The following ADCY6 variants were observed in gnomAD, a reference collection of about 807,000 sequenced individuals.
ADCY6 encodes adenylate cyclase type 6.
In ADCY6, 59 loss-of-function variants were observed where a neutral mutation model predicts 111.6. That is an observed-to-expected ratio of 0.53 (90% CI 0.43 to 0.66). The LOEUF (loss-of-function observed/expected upper bound fraction) is 0.66. ADCY6 is among the 30% of genes least tolerant of loss of function. ADCY6 has a pLI of 0.00. For missense variants in ADCY6, 1,242 were observed against 1,595.6 expected (o/e 0.78, Z 3.78); for synonymous variants, 576 against 642.9 (o/e 0.90, Z 1.57).
In ADCY6 at chr12:48,774,535, A is replaced by T. The variant is rs2137352573; in HGVS notation, c.2167-17T>A. The T allele has an allele frequency of 1.9e-6, 3 of 1,609,968 alleles. No homozygotes were observed. The highest frequency in any genetic ancestry group is 4.5e-5 in the East Asian group (2 of 44,824). ...AGGGAACAGCTAGAGGCATCAAGAG[A>T]CCAAGAGTTGAAGGTTGTATCAGCC... On this transcript the variant is annotated splice_polypyrimidine_tract_variant and intron_variant, in intron 13 of 21. Coordinates refer to ENST00000357869, the MANE Select transcript of ADCY6 (RefSeq NM_015270.5).
rs140193798 is a variant in ADCY6 at position 48,773,044 on chromosome 12, A to G, written c.2621+425T>C. Reference sequence around the variant, plus strand: ...GCAGAGACCAGAGGCTTTTTCTACTACAACAAGCTATGGCCACATATCAAA... The same window carrying G: ...GCAGAGACCAGAGGCTTTTTCTACTGCAACAAGCTATGGCCACATATCAAA... On this transcript the variant is annotated intron_variant, in intron 16 of 21. Transcript: ENST00000357869. Among the ~76,000 whole-genome samples the G allele has an allele frequency of 2.5e-3, 379 of 152,262 alleles. 2 individuals carry two copies. Among genetic ancestry groups the G allele is most frequent in the African/African-American group, 8.8e-3 (365 of 41,530 alleles).
Position 48,775,314 on chromosome 12 carries a change from G to A in ADCY6, c.1969C>T (p.Leu657Phe), listed in dbSNP as rs749718371. ...RFLLTFQRED[L>F]EKKYSRKVDP... ...TGTATCCCTCAAACCTTCTTCTCAA[G>A]ATCCTCTCTCTGGAAGGTGAGCAGA... The change falls in exon 11 of 22, where the codon CTT (leucine) becomes TTT (phenylalanine). Residue 657 changes from leucine to phenylalanine, a missense_variant. Physicochemically the swap from Leu to Phe is conservative, Grantham distance 22 (BLOSUM62 0). This residue lies in a region of ADCY6 where 375 missense variants were observed against 432.5 expected (regional missense o/e 0.87). Coordinates refer to ENST00000357869, the MANE Select transcript of ADCY6 (RefSeq NM_015270.5). The A allele has an allele frequency of 3.1e-6, 5 of 1,613,946 alleles. No individual in the cohort carries two copies. Among genetic ancestry groups the A allele is most frequent in the Non-Finnish European group, 2.5e-6 (3 of 1,179,990 alleles).
chr12:48,769,093 G>A, intron 20 of ADCY6, 32 bp from the exon 21 acceptor site: 1 of 1,588,710 alleles, frequency 6.3e-7, no homozygotes, highest in Non-Finnish European at 8.6e-7. Context: ...GAGACTAGTG[G>A]ATGCTCCAGG....
Position 48,773,601 on chromosome 12 carries a change from A to T in ADCY6, c.2489T>A (p.Phe830Tyr). Residue 830 changes from phenylalanine (F) to tyrosine (Y), a missense_variant, in exon 16 of 22, where the codon TTC becomes TAC. Physicochemically the swap from Phe to Tyr is conservative, Grantham distance 22. Coordinates refer to ENST00000357869, the MANE Select transcript of ADCY6 (RefSeq NM_015270.5). ...CTTCCCGATGCTGCTGATGTGCAGG[A>T]AGACAGAGCTGGCCAAGAGACTCAG... is the stretch of plus-strand genomic sequence containing the variant. Reference protein sequence around the residue: ...MLLSLLASSVFLHISSIGKLA... With the variant: ...MLLSLLASSVYLHISSIGKLA... 9 of 1,614,130 alleles carry T rather than the reference A, an allele frequency of 5.6e-6. No homozygotes were observed. The highest frequency in any genetic ancestry group is 6.8e-6 in the Non-Finnish European group (8 of 1,180,018).
At chr12:48,768,880 C>A in intron 21 of ADCY6, 57 bp downstream of exon 21, 1 of 1,568,568 alleles carries the variant, frequency 6.4e-7, no homozygotes, top group Non-Finnish European at 8.7e-7. Flanking sequence ...TGCAGAGACA[C>A]CTGTGGAAGC....
At position 48,783,304 on chromosome 12, in the gene ADCY6, A is replaced by G; in HGVS notation, c.131T>C (p.Met44Thr). 1.2e-6 allele frequency: 2 copies of G among 1,613,498 alleles called. No homozygotes were observed. The highest frequency in any genetic ancestry group is 1.7e-6 in the Non-Finnish European group (2 of 1,179,814). The part of the protein sequence containing the change: ...RAGGFCTPRY[M>T]SCLRDAEPPS... ...TGGCTCTGCATCCCGGAGGCAGCTC[A>G]TATAGCGGGGCGTGCAGAAGCCACC... The change falls in exon 2 of 22, where the codon ATG (methionine) becomes ACG (threonine). Residue 44 changes from methionine (M) to threonine (T), a missense_variant. Transcript: ENST00000357869.
chr12:48,780,640 T>C, intron 2 of ADCY6, among the ~76,000 whole-genome samples: 1 of 152,130 alleles, frequency 6.6e-6, no homozygotes, highest in Non-Finnish European at 1.5e-5. Flanking sequence ...TGGGCCTGGC[T>C]CTGGGCACCA....
At position 48,771,252 on chromosome 12, in the gene ADCY6, C is replaced by G; in HGVS notation, c.3052-282G>C. Reference sequence around the variant, plus strand: ...ATTAAGCAATTTCTCCAATCCTTACCTTTTGGGATACTGAGTCCCAGAGTG... The same window carrying G: ...ATTAAGCAATTTCTCCAATCCTTACGTTTTGGGATACTGAGTCCCAGAGTG... On this transcript the variant is annotated intron_variant, in intron 19 of 21. Transcript: ENST00000357869. This position sits in a 1 kb window ranked among gnomAD's most constrained non-coding sequence, Gnocchi z 4.3. 1.9e-6 allele frequency: 1 copy of G among 514,292 alleles called. No individual in the cohort carries two copies. Among genetic ancestry groups the G allele is most frequent in the Non-Finnish European group, 3.5e-6 (1 of 284,110 alleles). 31.9% of individuals were successfully genotyped at this position (514,292 alleles called of 1,614,324 possible).
At chr12:48,785,927 A>G (rs1260582254) in intron 1 of ADCY6, among the ~76,000 whole-genome samples, 1 of 152,202 alleles carries the variant, frequency 6.6e-6, no homozygotes, top group Non-Finnish European at 1.5e-5. Context: ...CCTGGAGGAA[A>G]TGTCATGAAC....
chr12:48,773,817 G>C (rs751223519), intron 15 of ADCY6, 123 bp downstream of exon 15: 2 of 1,454,604 alleles, frequency 1.4e-6, no homozygotes, highest in Admixed American at 4.0e-5. Flanking sequence ...GCCCCTGGTT[G>C]CTCCTAGTGT....
intron 16 of ADCY6, among the ~76,000 whole-genome samples, chr12:48,772,917 G>C (rs1053494125): frequency 1.3e-5 from 2 of 152,196 alleles, no homozygotes; most frequent in African/African-American, 4.8e-5. Flanking sequence ...TGATTTAGGT[G>C]ACATTGCCAT....
chr12:48,785,826 A>G (rs530899132), intron 1 of ADCY6, among the ~76,000 whole-genome samples: 63 of 152,324 alleles, frequency 4.1e-4, no homozygotes, highest in African/African-American at 1.5e-3. Context: ...AAAAATATAT[A>G]TAAACAAAAA....
Position 48,774,727 on chromosome 12 carries a change from G to C in ADCY6, c.2130C>G (p.Ile710Met). 6.2e-7 allele frequency: 1 copy of C among 1,614,140 alleles called. No individual in the cohort carries two copies. Among genetic ancestry groups the C allele is most frequent in the South Asian group, 1.1e-5 (1 of 91,078 alleles). ...IYASIFLLLL[I>M]TVLICAVYSC... is the part of the protein sequence containing the mutation. ...AGTACACAGCACAGATCAGCACGGT[G>C]ATTAGCAGCAGCAGGAAGATGCTGG... is the stretch of plus-strand genomic sequence containing the variant. Residue 710 changes from isoleucine to methionine, a missense_variant, in exon 13 of 22, where the codon ATC (isoleucine) becomes ATG (methionine). Ile to Met is a conservative substitution (Grantham distance 10, BLOSUM62 1). Coordinates refer to ENST00000357869, the MANE Select transcript of ADCY6 (RefSeq NM_015270.5).
At position 48,774,059 on chromosome 12, in the gene ADCY6, G is replaced by T. The variant is rs748915043; in HGVS notation, c.2323C>A (p.Arg775=). Residue 775 remains arginine (R), a synonymous_variant, in exon 15 of 22, where the codon CGG becomes AGG. Transcript: ENST00000357869. ...NHTPIRSCAA[R]MLNLTPADIT... ...TCAGCAGGTGTTAAATTCAGCATCCGGGCTGCACAGCTCCGTATGGGGGTG... is the reference window on the plus strand; with the variant it reads ...TCAGCAGGTGTTAAATTCAGCATCCTGGCTGCACAGCTCCGTATGGGGGTG... 1.9e-6 allele frequency: 3 copies of T among 1,611,844 alleles called. No homozygotes were observed. The highest frequency in any genetic ancestry group is 2.2e-5 in the East Asian group (1 of 44,840).
Position 48,768,467 on chromosome 12 carries a change from G to T in ADCY6, c.*124C>A. 1 of 1,396,786 alleles carries T rather than the reference G, an allele frequency of 7.2e-7. No individual in the cohort carries two copies. The highest frequency in any genetic ancestry group is 1.0e-6 in the Non-Finnish European group (1 of 996,224). The allele number at this position is 1,396,786 out of a possible 1,614,324, so 86.5% of individuals were successfully genotyped here. A position where few individuals can be genotyped will look rare whatever the true frequency, so the allele number is the denominator to read the frequency against. On this transcript the variant is annotated 3_prime_UTR_variant, in exon 22 of 22. Coordinates refer to ENST00000357869, the MANE Select transcript of ADCY6 (RefSeq NM_015270.5). ...TGATCCAAGCACAGCCTGCTGGGAT[G>T]TTCCCTTTTGTGGTTAGCAGGGTCT...
rs1384408836 is a variant in ADCY6, at chr12:48,768,127, G to A, written c.*464C>T. Reference sequence around the variant, plus strand: ...GGGGATGCAGGTATTGCAAAGGCAAGCATGGAATAGGCACTCCTCATGCCT... The same window carrying A: ...GGGGATGCAGGTATTGCAAAGGCAAACATGGAATAGGCACTCCTCATGCCT... On this transcript the variant is annotated 3_prime_UTR_variant, in exon 22 of 22. Transcript: ENST00000357869. 9.6e-6 allele frequency: 2 copies of A among 208,874 alleles called. No homozygotes were observed. The highest frequency in any genetic ancestry group is 4.7e-5 in the African/African-American group (2 of 42,740). 12.9% of individuals were successfully genotyped at this position (208,874 alleles called of 1,614,324 possible).
chr12:48,775,576 A>G (rs777957357), intron 10 of ADCY6, 97 bp downstream of exon 10: 122 of 1,576,868 alleles, frequency 7.7e-5, no homozygotes, highest in Middle Eastern at 3.3e-4. Context: ...CTGCTCCCAC[A>G]CAACACTCCT....
rs759559450 is a variant in ADCY6, at chr12:48,782,607, C to T, written c.828G>A (p.Trp276Ter). The change falls in exon 2 of 22, where the codon TGG (tryptophan) becomes TGA (stop). Residue 276 changes from tryptophan (W) to a stop codon, truncating the protein, a stop_gained. Transcript: ENST00000357869. LOFTEE classifies it high-confidence loss of function. The surrounding 1 kb of genome is among the most constrained non-coding windows in gnomAD (Gnocchi z 4.3). ...GGAAGGCATCACCACGGTTAAGTTG[C>T]CAGGCCAAGATCAAATGCAAGGTGG... ...GLSTLHLILA[W>*]QLNRGDAFLW... is the part of the protein sequence containing the mutation. 2 of 1,611,616 alleles carry T rather than the reference C, an allele frequency of 1.2e-6. No homozygotes were observed. The highest frequency in any genetic ancestry group is 1.7e-6 in the Non-Finnish European group (2 of 1,178,828).
chr12:48,776,329 T>C lies in ADCY6; in HGVS notation c.1557A>G (p.Ala519=). The change falls in exon 8 of 22, where the codon GCA becomes GCG. Residue 519 remains alanine (A), a synonymous_variant. Coordinates refer to ENST00000357869, the MANE Select transcript of ADCY6 (RefSeq NM_015270.5). This position sits in a 1 kb window ranked among gnomAD's most constrained non-coding sequence, Gnocchi z 6.1. ...GRAGRIHITR[A]TLQYLNGDYE... The stretch of plus-strand genomic sequence containing the variant: ...AGTCCCCGTTCAGGTACTGCAGTGT[T>C]GCCCGAGTGATGTGGATGCGGCTGT... 6.2e-7 allele frequency: 1 copy of C among 1,614,224 alleles called. No individual in the cohort carries two copies. Among genetic ancestry groups the C allele is most frequent in the Non-Finnish European group, 8.5e-7 (1 of 1,180,038 alleles).
Sources: gnomAD v4.1 joint callset for allele counts (sites outside exome capture counted in the v4.1 genomes callset) on GRCh38, gnomAD v4.1.1 for gene constraint, gnomAD v4.1.1 regional missense constraint, Gnocchi (gnomAD v3.1) non-coding constraint, MANE v1.5 for transcripts, NCBI Gene and HGNC (gene_info 2026-07-23, HGNC 2026-07-21) for gene names.